The following EDA variants were observed in gnomAD, a reference collection of about 807,000 sequenced individuals.
EDA encodes the protein ectodysplasin A, also known as ectodysplasin-A.
EDA carries 2 observed loss-of-function variants against 23.6 expected under a neutral mutation model. The observed-to-expected ratio is 0.08, with a 90% CI of 0.03 to 0.27. EDA has a LOEUF of 0.27. Among genes scored for constraint, EDA ranks in the 10% least tolerant of loss-of-function variants. The probability of loss-of-function intolerance (pLI) is 1.00; values close to 1 mark genes in which losing one functional copy is unlikely to be tolerated. For synonymous variants in EDA, 131 were observed against 132.0 expected (o/e 0.99, Z 0.05); for missense variants, 229 against 324.2 (o/e 0.71, Z 2.26).
In EDA at chrX:69,822,584, T is replaced by C. The variant is rs761598492; in HGVS notation, c.397-134443T>C. ...ATGTAAGAAGAAACTTTCTAGCAGA[T>C]GCCTTAAATACTTAAGCAGTAGAAT... is the stretch of plus-strand genomic sequence containing the variant. On this transcript the variant is annotated intron_variant, in intron 1 of 7. Coordinates refer to ENST00000374552, the MANE Select transcript of EDA (RefSeq NM_001399.5). Among the ~76,000 whole-genome samples, 4 of 112,256 alleles carry C rather than the reference T, an allele frequency of 3.6e-5. No homozygotes were observed. In the East Asian group the frequency reaches 1.1e-3, roughly 32 times the overall value.
chrX:69,653,448 C>G, intron 1 of EDA, among the ~76,000 whole-genome samples: 1 of 111,035 alleles, frequency 9.0e-6, no homozygotes, highest in Non-Finnish European at 1.9e-5. Flanking sequence ...TCCTCTTTTC[C>G]TAATTGAATA....
At chrX:69,935,363 C>T (rs1359029003) in intron 1 of EDA, among the ~76,000 whole-genome samples, 1 of 111,381 alleles carries the variant, frequency 9.0e-6, no homozygotes, top group Non-Finnish European at 1.9e-5. Flanking sequence ...TTTGAGGAAC[C>T]TCCAAACTGT....
At chrX:69,722,420 A>T (rs1261097974) in intron 1 of EDA, among the ~76,000 whole-genome samples, 2 of 110,061 alleles carry the variant, frequency 1.8e-5, no homozygotes, top group Admixed American at 9.8e-5. Context: ...GTTAGCCAGG[A>T]TGGTCTCGAT....
At chrX:69,623,452 C>T (rs1932263422) in intron 1 of EDA, among the ~76,000 whole-genome samples, 1 of 111,317 alleles carries the variant, frequency 9.0e-6, no homozygotes. Context: ...GGGCTCTGCC[C>T]TCATTATTTA....
chrX:69,976,218 C>T (rs751650508), intron 2 of EDA, among the ~76,000 whole-genome samples: 16 of 111,641 alleles, frequency 1.4e-4, no homozygotes, highest in African/African-American at 4.9e-4. Context: ...GATATAGACA[C>T]GGTTAAGAAT....
chrX:69,676,999 C>T (rs1384826593), intron 1 of EDA, among the ~76,000 whole-genome samples: 3 of 81,474 alleles, frequency 3.7e-5, no homozygotes, highest in Non-Finnish European at 6.9e-5. Flanking sequence ...CCACAACTGG[C>T]CCCAGAGTGT....
intron 1 of EDA, among the ~76,000 whole-genome samples, chrX:69,759,221 G>C (rs1247074698): frequency 8.9e-6 from 1 of 112,066 alleles, no homozygotes; most frequent in Non-Finnish European, 1.9e-5. Flanking sequence ...ATGGTCCAGT[G>C]TCATTTTTCT....
chrX:69,829,885 T>A (rs2016564074), intron 1 of EDA, among the ~76,000 whole-genome samples: 1 of 112,081 alleles, frequency 8.9e-6, no homozygotes, highest in African/African-American at 3.2e-5. Context: ...ACATTTCTCT[T>A]TTCATAAATC....
rs1268140444 is a variant in EDA at position 70,039,100 on chromosome X, C to CAAGACTGG, written c.*3492_*3499dup. The CAAGACTGG allele has an allele frequency of 8.9e-6, 1 of 112,840 alleles. No individual in the cohort carries two copies. Among genetic ancestry groups the CAAGACTGG allele is most frequent in the African/African-American group, 3.2e-5 (1 of 30,970 alleles). 9.3% of individuals were successfully genotyped at this position (112,840 alleles called of 1,213,427 possible). A position where few individuals can be genotyped will look rare whatever the true frequency, so the allele number is the denominator to read the frequency against. On this transcript the variant is annotated 3_prime_UTR_variant, in exon 8 of 8. Coordinates refer to ENST00000374552, the MANE Select transcript of EDA (RefSeq NM_001399.5). Reference sequence around the variant, plus strand: ...GCTCTAGCCTCTGGACTGGAAAGCACAAGACTGGCCCAGTGCCAGCAAGTC... The same window carrying CAAGACTGG: ...GCTCTAGCCTCTGGACTGGAAAGCACAAGACTGGAAGACTGGCCCAGTGCCAGCAAGTC...
intron 1 of EDA, among the ~76,000 whole-genome samples, chrX:69,737,156 A>G (rs1392820021): frequency 8.9e-6 from 1 of 111,882 alleles, no homozygotes; most frequent in African/African-American, 3.2e-5. Flanking sequence ...TGAGTCTCTT[A>G]TGGACAACAT....
chrX:69,682,777 A>T (rs368355003), intron 1 of EDA, among the ~76,000 whole-genome samples: 1 of 110,498 alleles, frequency 9.0e-6, no homozygotes, highest in Non-Finnish European at 1.9e-5. Context: ...GAAATCACCC[A>T]TCTTCTGCCT....
chrX:70,034,537 G>A (rs1054160560), intron 7 of EDA, among the ~76,000 whole-genome samples: 2 of 111,649 alleles, frequency 1.8e-5, no homozygotes, highest in African/African-American at 6.5e-5. Flanking sequence ...GGGGTGGGCG[G>A]CAGATCAAAA....
intron 1 of EDA, among the ~76,000 whole-genome samples, chrX:69,827,493 A>G (rs769923314): frequency 8.8e-4 from 99 of 111,939 alleles, no homozygotes; most frequent in Admixed American, 2.3e-3. Flanking sequence ...TGATCACATC[A>G]GCTCCTGAGG....
chrX:69,864,874 C>T (rs1376098767), intron 1 of EDA, among the ~76,000 whole-genome samples: 1 of 110,860 alleles, frequency 9.0e-6, no homozygotes, highest in Non-Finnish European at 1.9e-5. Context: ...GCCTGTAATA[C>T]CAGCTACTCG....
At chrX:69,881,551 T>C (rs1039330340) in intron 1 of EDA, among the ~76,000 whole-genome samples, 1 of 111,935 alleles carries the variant, frequency 8.9e-6, no homozygotes, top group Admixed American at 9.5e-5. Flanking sequence ...CTTAGCTATA[T>C]TCCTCAGCCA....
At chrX:70,034,090 C>G (rs971259847) in intron 7 of EDA, among the ~76,000 whole-genome samples, 3 of 111,708 alleles carry the variant, frequency 2.7e-5, no homozygotes, top group Non-Finnish European at 5.6e-5. Context: ...GCCCTTTCTC[C>G]CTCTGCTTTT....
intron 1 of EDA, chrX:69,617,633 C>T (rs368272242): frequency 1.8e-5 from 5 of 277,818 alleles, no homozygotes; most frequent in Non-Finnish European, 3.3e-5. Context: ...GTTCACTTAA[C>T]GTAAATACTG....
At chrX:69,652,246 G>T (rs1440392269) in intron 1 of EDA, among the ~76,000 whole-genome samples, 1 of 111,164 alleles carries the variant, frequency 9.0e-6, no homozygotes. Context: ...CCAGGCTAGG[G>T]CAAGCAAGTT....
At chrX:69,745,564 CT>C (rs1027378797) in intron 1 of EDA, among the ~76,000 whole-genome samples, 1 of 111,284 alleles carries the variant, frequency 9.0e-6, no homozygotes, top group Non-Finnish European at 1.9e-5. Flanking sequence ...GCAGTCTTTT[CT>C]TTGCTCGTTA....
Sources: allele counts gnomAD v4.1 joint callset (sites outside exome capture counted in the v4.1 genomes callset), GRCh38; gene constraint gnomAD v4.1.1; transcripts MANE v1.5; gene names NCBI Gene and HGNC (gene_info 2026-07-23, HGNC 2026-07-21).